The following METTL8 variants were observed in gnomAD, a reference collection of about 807,000 sequenced individuals.
The protein encoded by METTL8 is tRNA N(3)-cytidine methyltransferase METTL8, mitochondrial.
Under a neutral mutation model 48.7 loss-of-function variants are expected in METTL8, and 32 were observed. The ratio of observed to expected loss-of-function variants is 0.66; its 90% CI spans 0.50 to 0.88. The LOEUF is 0.88. Among genes scored for constraint, METTL8 ranks in the 40% least tolerant of loss-of-function variants. The pLI, the probability that METTL8 is intolerant of heterozygous loss-of-function variation, is 0.00. For synonymous variants in METTL8, 136 were observed against 157.1 expected (o/e 0.87, Z 1.01); for missense variants, 464 against 474.4 (o/e 0.98, Z 0.20).
intron 7 of METTL8, among the ~76,000 whole-genome samples, chr2:171,329,541 A>T (rs1267206830): frequency 1.3e-5 from 2 of 152,230 alleles, no homozygotes; most frequent in African/African-American, 4.8e-5. Context: ...AGAAAGAAAT[A>T]GGTTATAGAA....
intron 1 of METTL8, among the ~76,000 whole-genome samples, chr2:171,413,291 C>G (rs1015921807): frequency 6.6e-6 from 1 of 152,198 alleles, no homozygotes; most frequent in African/African-American, 2.4e-5. Flanking sequence ...CCTCCCCTTT[C>G]TAACCACTTA....
intron 2 of METTL8, among the ~76,000 whole-genome samples, chr2:171,366,968 A>G (rs573089448): frequency 6.6e-6 from 1 of 152,148 alleles, no homozygotes; most frequent in South Asian, 2.1e-4. Context: ...TTAATGACAG[A>G]TGTAGAAATT....
intron 1 of METTL8, among the ~76,000 whole-genome samples, chr2:171,432,477 A>G (rs1314433574): frequency 6.6e-6 from 1 of 152,206 alleles, no homozygotes; most frequent in Non-Finnish European, 1.5e-5. Context: ...AAGAGAAATG[A>G]GAGAGTTGAT....
intron 1 of METTL8, among the ~76,000 whole-genome samples, chr2:171,396,714 G>T (rs976803990): frequency 6.6e-6 from 1 of 152,070 alleles, no homozygotes; most frequent in Non-Finnish European, 1.5e-5. Flanking sequence ...AAAATATGTT[G>T]AACTGAATGA....
chr2:171,415,029 G>T (rs1691161621), intron 1 of METTL8, among the ~76,000 whole-genome samples: 1 of 152,128 alleles, frequency 6.6e-6, no homozygotes, highest in South Asian at 2.1e-4. Flanking sequence ...CCATGATTGT[G>T]AGGCCTCCCC....
chr2:171,422,082 A>C (rs1691931023), intron 1 of METTL8, among the ~76,000 whole-genome samples: 1 of 152,236 alleles, frequency 6.6e-6, no homozygotes, highest in Admixed American at 6.5e-5. Context: ...CCAGCTCTCA[A>C]GCCTTATGAT....
Position 171,325,880 on chromosome 2 carries a change from CAT to C in METTL8, c.992_993del (p.Tyr331CysfsTer27). The stretch of plus-strand genomic sequence containing the variant: ...TATGCTCTGGTACCATCTCCTCGAA[CAT>C]AAAAATTTTCAGATAAACAATGTCC... The part of the protein sequence containing the change: ...KKGHCLSENF[Y>X]VRGDGTRAYF... On this transcript the variant is annotated frameshift_variant, in exon 9 of 10. Coordinates refer to ENST00000375258, the MANE Select transcript of METTL8 (RefSeq NM_001321154.2). LOFTEE classifies it high-confidence loss of function. The C allele has an allele frequency of 6.2e-7, 1 of 1,601,640 alleles. No individual in the cohort carries two copies. Among genetic ancestry groups the C allele is most frequent in the South Asian group, 1.1e-5 (1 of 89,376 alleles).
At chr2:171,324,679 A>C (rs1041953606) in intron 9 of METTL8, among the ~76,000 whole-genome samples, 4 of 152,250 alleles carry the variant, frequency 2.6e-5, no homozygotes, top group African/African-American at 4.8e-5. Context: ...ACAGAAACCC[A>C]AAACGGCAGA....
At chr2:171,433,286 A>C (rs532096002) in intron 1 of METTL8, 1 of 149,208 alleles carries the variant, frequency 6.7e-6, no homozygotes, top group Admixed American at 6.6e-5. Context: ...CCCCGGTAGG[A>C]AATTATTATT....
rs1315435386 is a variant in METTL8 at position 171,322,442 on chromosome 2, TAAGTA to T, written c.*1725_*1729del. 28 of 151,548 alleles carry T rather than the reference TAAGTA, an allele frequency of 1.8e-4. No homozygotes were observed. Among genetic ancestry groups the T allele is most frequent in the African/African-American group, 6.3e-4 (26 of 41,348 alleles). The allele number at this position is 151,548 out of a possible 1,614,324, so 9.4% of individuals were successfully genotyped here. ...CCATACAGCAAAGTGAAAACAAGTTTAAGTAAAGAATAGGCTGGGCGCGGTGGCTC... is the reference window on the plus strand; with the variant it reads ...CCATACAGCAAAGTGAAAACAAGTTTAAGAATAGGCTGGGCGCGGTGGCTC... On this transcript the variant is annotated 3_prime_UTR_variant, in exon 10 of 10. Coordinates refer to ENST00000375258, the MANE Select transcript of METTL8 (RefSeq NM_001321154.2).
At chr2:171,367,097 G>C (rs1685808675) in intron 2 of METTL8, among the ~76,000 whole-genome samples, 1 of 151,804 alleles carries the variant, frequency 6.6e-6, no homozygotes, top group Non-Finnish European at 1.5e-5. Context: ...GTAGAAAAGA[G>C]AGACAAAATG....
At chr2:171,384,731 C>T (rs533014303) in intron 2 of METTL8, among the ~76,000 whole-genome samples, 1 of 151,826 alleles carries the variant, frequency 6.6e-6, no homozygotes, top group East Asian at 1.9e-4. Context: ...ACTTGGGGGA[C>T]TGAGGCAGGA....
At chr2:171,418,960 C>T (rs868524733) in intron 1 of METTL8, among the ~76,000 whole-genome samples, 4 of 150,258 alleles carry the variant, frequency 2.7e-5, no homozygotes, top group South Asian at 2.1e-4. Context: ...AAGTATAGTC[C>T]GGTATGAGTA....
At chr2:171,346,641 T>C (rs982506022) in intron 3 of METTL8, among the ~76,000 whole-genome samples, 2 of 152,172 alleles carry the variant, frequency 1.3e-5, no homozygotes, top group Non-Finnish European at 1.5e-5. Context: ...ATAATCTGCA[T>C]ATAGAATACT....
At position 171,405,706 on chromosome 2, in the gene METTL8, A is replaced by G. The variant is rs886817052; in HGVS notation, c.-12-13509T>C. ...AGATACTGAAAAAAGAAAATTGCTGACAAAACAAGTTTTGAGAATAAGTAG... is the reference window on the plus strand; with the variant it reads ...AGATACTGAAAAAAGAAAATTGCTGGCAAAACAAGTTTTGAGAATAAGTAG... On this transcript the variant is annotated intron_variant, in intron 1 of 9. Coordinates refer to ENST00000375258, the MANE Select transcript of METTL8 (RefSeq NM_001321154.2). 3.9e-5 allele frequency among the ~76,000 whole-genome samples: 6 copies of G among 152,200 alleles called. No homozygotes were observed. In the East Asian group the frequency reaches 1.2e-3, roughly 29 times the overall value.
At chr2:171,387,059 T>G (rs1688124509) in intron 2 of METTL8, among the ~76,000 whole-genome samples, 1 of 152,136 alleles carries the variant, frequency 6.6e-6, no homozygotes, top group South Asian at 2.1e-4. Flanking sequence ...AACCTTGCAC[T>G]CATTCTCCAA....
chr2:171,322,014 G>A lies in METTL8; in HGVS notation c.*2158C>T, dbSNP rs1010590380. On this transcript the variant is annotated 3_prime_UTR_variant, in exon 10 of 10. Coordinates refer to ENST00000375258, the MANE Select transcript of METTL8 (RefSeq NM_001321154.2). ...TCTAACAACTGTCACCCAGGCTGGA[G>A]GGCAGTGGTGTCATCTCGGCTCACT... 1.3e-5 allele frequency: 2 copies of A among 150,790 alleles called. No homozygotes were observed. Among genetic ancestry groups the A allele is most frequent in the Non-Finnish European group, 2.9e-5 (2 of 67,838 alleles). 9.3% of individuals were successfully genotyped at this position (150,790 alleles called of 1,614,324 possible).
rs766163102 is a variant in METTL8 at position 171,331,771 on chromosome 2, C to T, written c.720+33G>A. 7.2e-6 allele frequency: 11 copies of T among 1,519,706 alleles called. No individual in the cohort carries two copies. The Admixed American group carries it at 8.8e-5, about 12-fold the overall frequency. The allele number at this position is 1,519,706 out of a possible 1,614,324, so 94.1% of individuals were successfully genotyped here. A position where few individuals can be genotyped will look rare whatever the true frequency, so the allele number is the denominator to read the frequency against. On this transcript the variant is annotated intron_variant, in intron 6 of 9. Transcript: ENST00000375258. The stretch of plus-strand genomic sequence containing the variant: ...TATTGTTCTGGGGTAATACCTTAGG[C>T]ATCAGTTGGTATGATTCCCAGGAGT...
chr2:171,316,237 C>T lies in METTL8; in HGVS notation c.*7935G>A, dbSNP rs1226997696. Among the ~76,000 whole-genome samples the T allele has an allele frequency of 6.6e-6, 1 of 152,134 alleles. No homozygotes were observed. Among genetic ancestry groups the T allele is most frequent in the African/African-American group, 2.4e-5 (1 of 41,432 alleles). ...AATGAGCAGGACTTAATTCTCATGC[C>T]GGCATGGGGCTGCCGGGCACCCAGC... On this transcript the variant is annotated 3_prime_UTR_variant, in exon 10 of 10. Coordinates refer to ENST00000375258, the MANE Select transcript of METTL8 (RefSeq NM_001321154.2).
Sources: allele counts gnomAD v4.1 joint callset (sites outside exome capture counted in the v4.1 genomes callset), GRCh38; gene constraint gnomAD v4.1.1; transcripts MANE v1.5; gene names NCBI Gene and HGNC (gene_info 2026-07-23, HGNC 2026-07-21).